The following TMEM132B variants were observed in gnomAD, a reference collection of about 807,000 sequenced individuals.
TMEM132B encodes transmembrane protein 132B.
In TMEM132B, 18 loss-of-function variants were observed where a neutral mutation model predicts 90.8. The ratio of observed to expected loss-of-function variants is 0.20; its 90% CI spans 0.14 to 0.29. The LOEUF is 0.29. Among genes scored for constraint, TMEM132B ranks in the 10% least tolerant of loss-of-function variants. The probability of loss-of-function intolerance (pLI) is 1.00; values close to 1 mark genes in which losing one functional copy is unlikely to be tolerated. For synonymous variants in TMEM132B, 504 were observed against 523.3 expected, an observed-to-expected ratio of 0.96 and a Z score of 0.50; for missense variants, 1,096 against 1,326.8, an observed-to-expected ratio of 0.83 and a Z score of 2.70.
At chr12:125,575,176 C>T (rs528330027) in intron 4 of TMEM132B, among the ~76,000 whole-genome samples, 4 of 148,360 alleles carry the variant, frequency 2.7e-5, no homozygotes, top group Non-Finnish European at 6.0e-5. Context: ...CAATTTTACA[C>T]CCCACAGACA....
intron 3 of TMEM132B, among the ~76,000 whole-genome samples, chr12:125,506,028 A>C (rs1007204218): frequency 3.3e-5 from 5 of 152,256 alleles, no homozygotes; most frequent in Admixed American, 2.0e-4. Context: ...CATTAAGATA[A>C]ATGAAAACGT....
intron 3 of TMEM132B, among the ~76,000 whole-genome samples, chr12:125,419,694 C>G (rs1566030564): frequency 6.6e-6 from 1 of 152,204 alleles, no homozygotes; most frequent in Non-Finnish European, 1.5e-5. Flanking sequence ...CCCCAACAAT[C>G]CCCCAAAGTC....
rs556442155 is a variant in TMEM132B at position 125,229,238 on chromosome 12, G to A, written c.67+42372G>A. The stretch of plus-strand genomic sequence containing the variant: ...AGCCAAATGCGTGCTGATGGATAAG[G>A]TCACCATTTTCTAGAAGTCTTTCTG... On this transcript the variant is annotated intron_variant, in intron 1 of 8. Coordinates refer to ENST00000682704, the MANE Select transcript of TMEM132B (RefSeq NM_001366854.1). Among the ~76,000 whole-genome samples the A allele has an allele frequency of 5.9e-5, 9 of 152,332 alleles. No homozygotes were observed. In the South Asian group the frequency reaches 1.5e-3, roughly 25 times the overall value.
At chr12:125,325,668 C>CGTGTGTGTGTGTGT (rs1876540681) in intron 1 of TMEM132B, among the ~76,000 whole-genome samples, 1 of 139,366 alleles carries the variant, frequency 7.2e-6, no homozygotes, top group African/African-American at 2.7e-5. Context: ...TGCCTCCCAC[C>CGTGTGTGTGTGTGT]CTGTGTGTGT....
rs1412811757 is a variant in TMEM132B, at chr12:125,662,107, G to T, written c.*7397G>T. 2 of 152,224 alleles carry T rather than the reference G, an allele frequency of 1.3e-5. No homozygotes were observed. The highest frequency in any genetic ancestry group is 4.8e-5 in the African/African-American group (2 of 41,462). The allele number at this position is 152,224 out of a possible 1,614,324, so 9.4% of individuals were successfully genotyped here. ...GCAGCAAACAGTGGGGACAAGTTTT[G>T]TCTGGCATTTGAAAAGGTGTTATCC... On this transcript the variant is annotated 3_prime_UTR_variant, in exon 9 of 9. Coordinates refer to ENST00000682704, the MANE Select transcript of TMEM132B (RefSeq NM_001366854.1).
chr12:125,199,723 G>A (rs1873012605), intron 1 of TMEM132B, among the ~76,000 whole-genome samples: 1 of 152,118 alleles, frequency 6.6e-6, no homozygotes, highest in Non-Finnish European at 1.5e-5. Flanking sequence ...ACCATTTCAA[G>A]GTTGTGATTT....
intron 1 of TMEM132B, among the ~76,000 whole-genome samples, chr12:125,267,310 T>A (rs1414427645): frequency 1.3e-5 from 2 of 151,618 alleles, no homozygotes; most frequent in African/African-American, 4.9e-5. Context: ...GGGAAAGGAG[T>A]GAGGAAGTGC....
chr12:125,541,479 G>A (rs780909276), intron 4 of TMEM132B, among the ~76,000 whole-genome samples: 52 of 152,218 alleles, frequency 3.4e-4, no homozygotes, highest in Middle Eastern at 3.4e-3. Flanking sequence ...GACTGCATGG[G>A]CCTTGAAAAG....
At chr12:125,278,089 C>A (rs1875053763) in intron 1 of TMEM132B, among the ~76,000 whole-genome samples, 2 of 152,228 alleles carry the variant, frequency 1.3e-5, no homozygotes, top group African/African-American at 4.8e-5. Context: ...GAGCCTATCT[C>A]TGGCTTTCTG....
chr12:125,546,051 A>G (rs114990212), intron 4 of TMEM132B, among the ~76,000 whole-genome samples: 1,556 of 152,336 alleles, frequency 0.01, 28 homozygotes, highest in African/African-American at 0.036. Flanking sequence ...AATGAATGCA[A>G]TTGTGTAATC....
rs575402559 is a variant in TMEM132B, at chr12:125,244,964, G to A, written c.67+58098G>A. 2.6e-5 allele frequency among the ~76,000 whole-genome samples: 4 copies of A among 152,202 alleles called. No homozygotes were observed. The East Asian group carries it at 7.8e-4, about 30-fold the overall frequency. On this transcript the variant is annotated intron_variant, in intron 1 of 8. Transcript: ENST00000682704. ...CTTCCCCCTCAGTTTCCCCATTTGT[G>A]CAATTGGGGCGGATGGAGCTGGGCA... is the stretch of plus-strand genomic sequence containing the variant.
At chr12:125,653,538 A>T in intron 8 of TMEM132B, 27 bp from the exon 9 acceptor site, 1 of 1,584,756 alleles carries the variant, frequency 6.3e-7, no homozygotes, top group African/African-American at 1.3e-5. Context: ...TGATTATAAC[A>T]TAATGCTTTG....
At chr12:125,353,734 C>T (rs562774059) in intron 2 of TMEM132B, among the ~76,000 whole-genome samples, 22 of 152,298 alleles carry the variant, frequency 1.4e-4, no homozygotes, top group African/African-American at 4.6e-4. Context: ...TCATCCCCCA[C>T]AGCTCACTGC....
intron 3 of TMEM132B, among the ~76,000 whole-genome samples, chr12:125,489,598 G>A (rs1026775045): frequency 2.0e-5 from 3 of 152,008 alleles, no homozygotes; most frequent in African/African-American, 7.3e-5. Context: ...TTTTTGTAGA[G>A]ATGGGGTCTC....
chr12:125,573,439 A>T (rs901472627), intron 4 of TMEM132B, among the ~76,000 whole-genome samples: 3 of 152,224 alleles, frequency 2.0e-5, no homozygotes, highest in African/African-American at 7.2e-5. Context: ...CTAGAATACT[A>T]AAGCAGTTTT....
chr12:125,512,639 G>A (rs11611691), intron 3 of TMEM132B, among the ~76,000 whole-genome samples: 11,945 of 152,208 alleles, frequency 0.078, 533 homozygotes, highest in Non-Finnish European at 0.1. Flanking sequence ...ATAAGTCCCT[G>A]ATTTAGACTA....
At chr12:125,314,408 GGT>G (rs1168386989) in intron 1 of TMEM132B, among the ~76,000 whole-genome samples, 1 of 152,332 alleles carries the variant, frequency 6.6e-6, no homozygotes, top group East Asian at 1.9e-4. Context: ...TCAGAAGCCT[GGT>G]TTGCAAGGTA....
intron 3 of TMEM132B, among the ~76,000 whole-genome samples, chr12:125,486,014 C>T: frequency 6.6e-6 from 1 of 152,140 alleles, no homozygotes; most frequent in South Asian, 2.1e-4. Flanking sequence ...CTCTCTCTCT[C>T]TGTATGTGTG....
In TMEM132B at chr12:125,583,891, C is replaced by G. The variant is rs768927041; in HGVS notation, c.1334C>G (p.Pro445Arg). 3.1e-6 allele frequency: 5 copies of G among 1,614,150 alleles called. No homozygotes were observed. The highest frequency in any genetic ancestry group is 4.2e-6 in the Non-Finnish European group (5 of 1,180,022). Residue 445 changes from proline (P) to arginine (R), a missense_variant, in exon 5 of 9, where the codon CCT becomes CGT. Transcript: ENST00000682704. ...VLNTAILTGK[P>R]VSVPVKVVGV... ...AACACTGCCATTCTCACTGGAAAGCCTGTTTCAGTTCCTGTCAAAGTCGTG... is the reference window on the plus strand; with the variant it reads ...AACACTGCCATTCTCACTGGAAAGCGTGTTTCAGTTCCTGTCAAAGTCGTG...
Sources: gnomAD v4.1 joint callset for allele counts (sites outside exome capture counted in the v4.1 genomes callset) on GRCh38, gnomAD v4.1.1 for gene constraint, MANE v1.5 for transcripts, NCBI Gene and HGNC (gene_info 2026-07-23, HGNC 2026-07-21) for gene names.